Variants in HPN observed in about 807,000 individuals in gnomAD.
HPN encodes hepsin, also known as serine protease hepsin.
A neutral mutation model predicts 55.9 loss-of-function variants in HPN; 13 were observed. The ratio of observed to expected loss-of-function variants is 0.23; its 90% CI spans 0.15 to 0.37. HPN has a LOEUF of 0.37. Ranked by LOEUF, HPN falls within the 10% of genes least tolerant of loss-of-function variation. The pLI, the probability that HPN is intolerant of heterozygous loss-of-function variation, is 1.00. For missense variants in HPN, 451 were observed against 575.8 expected (o/e 0.78, Z 2.22); for synonymous variants, 225 against 240.3 (o/e 0.94, Z 0.59).
Position 35,065,241 on chromosome 19 carries a change from C to G in HPN, c.812-9C>G, listed in dbSNP as rs2064591336. The G allele has an allele frequency of 6.2e-7, 1 of 1,606,484 alleles. No homozygotes were observed. The highest frequency in any genetic ancestry group is 8.5e-7 in the Non-Finnish European group (1 of 1,174,676). On this transcript the variant is annotated splice_polypyrimidine_tract_variant and intron_variant, in intron 9 of 12. Coordinates refer to ENST00000672452, the MANE Select transcript of HPN (RefSeq NM_001384133.1). ...AGCGGGGGCTGGACCAGCATTGTCT[C>G]TCTCACAGAATACATCCAGCCTGTG...
At chr19:35,042,264 T>TC (rs528846123) in intron 1 of HPN, 189 bp from the exon 2 acceptor site, 146 of 1,344,200 alleles carry the variant, frequency 1.1e-4, no homozygotes, top group Non-Finnish European at 1.3e-4. Context: ...AATCCAGGCG[T>TC]CCCCCCGCTG....
At chr19:35,050,894 T>G (rs1041424378) in intron 4 of HPN, among the ~76,000 whole-genome samples, 2 of 147,804 alleles carry the variant, frequency 1.4e-5, no homozygotes, top group African/African-American at 5.0e-5. Flanking sequence ...TTTCTTTTTT[T>G]TTTCTTTCTT....
chr19:35,060,808 C>A lies in HPN; in HGVS notation c.802C>A (p.Pro268Thr), dbSNP rs773491716. 1 of 1,581,542 alleles carries A rather than the reference C, an allele frequency of 6.3e-7. No individual in the cohort carries two copies. The highest frequency in any genetic ancestry group is 8.6e-7 in the Non-Finnish European group (1 of 1,162,484). Reference sequence around the variant, plus strand: ...CCTGGTCCACCTCTCCAGTCCCCTGCCCCTCACAGGTAAGTCTAAGGGCTG... The same window carrying A: ...CCTGGTCCACCTCTCCAGTCCCCTGACCCTCACAGGTAAGTCTAAGGGCTG... ...IALVHLSSPL[P>T]LTEYIQPVCL... Residue 268 changes from proline (P) to threonine (T), a missense_variant, in exon 9 of 13, where the codon CCC (proline) becomes ACC (threonine). Pro to Thr is a conservative substitution (Grantham distance 38). Coordinates refer to ENST00000672452, the MANE Select transcript of HPN (RefSeq NM_001384133.1).
At chr19:35,046,061 C>T (rs905733734) in intron 2 of HPN, among the ~76,000 whole-genome samples, 7 of 152,136 alleles carry the variant, frequency 4.6e-5, no homozygotes, top group South Asian at 4.1e-4. Flanking sequence ...CAGTGGCTGT[C>T]GGGAGCCAAG....
At chr19:35,046,493 C>G (rs2064343781) in intron 2 of HPN, among the ~76,000 whole-genome samples, 1 of 152,180 alleles carries the variant, frequency 6.6e-6, no homozygotes, top group Admixed American at 6.5e-5. Flanking sequence ...GATCCACCTG[C>G]CTCAGCCTCC....
At chr19:35,052,462 G>A (rs1394509817) in intron 4 of HPN, among the ~76,000 whole-genome samples, 2 of 150,678 alleles carry the variant, frequency 1.3e-5, no homozygotes, top group Non-Finnish European at 3.0e-5. Flanking sequence ...TGGGAGGCGC[G>A]GGTTGCAGGT....
chr19:35,041,129 C>T (rs2064289212), upstream of HPN, among the ~76,000 whole-genome samples: 2 of 152,206 alleles, frequency 1.3e-5, no homozygotes, highest in Non-Finnish European at 2.9e-5. Flanking sequence ...TGTGTTTTCC[C>T]GGCCAAGCCC....
intron 4 of HPN, among the ~76,000 whole-genome samples, chr19:35,056,742 G>T (rs1490285816): frequency 6.6e-6 from 1 of 152,190 alleles, no homozygotes; most frequent in African/African-American, 2.4e-5. Flanking sequence ...GGCCATCTGT[G>T]TCTCCAGGAT....
chr19:35,047,662 A>C (rs1204994352), intron 2 of HPN, among the ~76,000 whole-genome samples: 1 of 152,040 alleles, frequency 6.6e-6, no homozygotes, highest in Admixed American at 6.6e-5. Flanking sequence ...GCGGATGTTC[A>C]GTAGGATGGT....
intron 9 of HPN, among the ~76,000 whole-genome samples, chr19:35,062,990 A>G (rs1397992407): frequency 6.6e-6 from 1 of 152,240 alleles, no homozygotes; most frequent in Admixed American, 6.5e-5. Context: ...ATGATCATGA[A>G]GTAGTAAAAG....
At position 35,042,510 on chromosome 19, in the gene HPN, G is replaced by A. The variant is rs2064304176; in HGVS notation, c.4G>A (p.Ala2Thr). The A allele has an allele frequency of 6.2e-7, 1 of 1,609,580 alleles. No homozygotes were observed. The highest frequency in any genetic ancestry group is 8.5e-7 in the Non-Finnish European group (1 of 1,178,236). The stretch of plus-strand genomic sequence containing the variant: ...ATCATTAACAAGAGGCAGTGACATG[G>A]CGCAGAAGGAGGGTGAGTCCCCTTC... Reference protein sequence around the residue: MAQKEGGRTVPC... With the variant: MTQKEGGRTVPC... The change falls in exon 2 of 13, where the codon GCG (alanine) becomes ACG (threonine). Residue 2 changes from alanine to threonine, a missense_variant. This residue lies in a region of HPN where 378 missense variants were observed against 445.5 expected (regional missense o/e 0.85). Transcript: ENST00000672452.
At position 35,060,609 on chromosome 19, in the gene HPN, C is replaced by T; in HGVS notation, c.621-18C>T. 1 of 1,613,260 alleles carries T rather than the reference C, an allele frequency of 6.2e-7. No individual in the cohort carries two copies. Among genetic ancestry groups the T allele is most frequent in the East Asian group, 2.2e-5 (1 of 44,890 alleles). On this transcript the variant is annotated intron_variant, in intron 8 of 12. Coordinates refer to ENST00000672452, the MANE Select transcript of HPN (RefSeq NM_001384133.1). ...TGTGCCCAGGCAGGTGGCCACCCTCCACCCCTTTCCCTGGTAGGCGGAACC... is the reference window on the plus strand; with the variant it reads ...TGTGCCCAGGCAGGTGGCCACCCTCTACCCCTTTCCCTGGTAGGCGGAACC...
chr19:35,061,372 C>T (rs938846330), intron 9 of HPN, among the ~76,000 whole-genome samples: 4 of 151,758 alleles, frequency 2.6e-5, no homozygotes, highest in Non-Finnish European at 4.4e-5. Flanking sequence ...TGGTGAAACT[C>T]CATCTCTACT....
intron 9 of HPN, 117 bp from the exon 10 acceptor site, chr19:35,065,133 T>C: frequency 3.0e-6 from 2 of 668,660 alleles, no homozygotes; most frequent in Non-Finnish European, 5.1e-6. Flanking sequence ...ATTGTGGTTT[T>C]TTTTTTAAAG....
intron 1 of HPN, 49 bp downstream of exon 1, chr19:35,041,921 G>A: frequency 7.8e-7 from 1 of 1,285,934 alleles, no homozygotes; most frequent in South Asian, 1.2e-5. Context: ...GAGGACAGGG[G>A]TTCCCTCATC....
In HPN at chr19:35,049,338, C is replaced by T. The variant is rs757072689; in HGVS notation, c.65C>T (p.Thr22Ile). Reference sequence around the variant, plus strand: ...TCCAGACCCAAGGTGGCAGCTCTCACTGCGGGGACCCTGCTACTTCTGACA... The same window carrying T: ...TCCAGACCCAAGGTGGCAGCTCTCATTGCGGGGACCCTGCTACTTCTGACA... ...CCSRPKVAAL[T>I]AGTLLLLTAI... Residue 22 changes from threonine to isoleucine, a missense_variant, in exon 3 of 13, where the codon ACT becomes ATT. Physicochemically the swap from Thr to Ile is moderately conservative, Grantham distance 89 (BLOSUM62 -1). This residue lies in a region of HPN where 378 missense variants were observed against 445.5 expected (regional missense o/e 0.85). Coordinates refer to ENST00000672452, the MANE Select transcript of HPN (RefSeq NM_001384133.1). 3.1e-6 allele frequency: 5 copies of T among 1,600,382 alleles called. No individual in the cohort carries two copies. The Admixed American group carries it at 6.8e-5, about 22-fold the overall frequency.
Position 35,059,914 on chromosome 19 carries a change from G to T in HPN, c.331G>T (p.Ala111Ser). 1 of 1,504,696 alleles carries T rather than the reference G, an allele frequency of 6.6e-7. No homozygotes were observed. The highest frequency in any genetic ancestry group is 8.9e-7 in the Non-Finnish European group (1 of 1,127,174). The allele number at this position is 1,504,696 out of a possible 1,614,324, so 93.2% of individuals were successfully genotyped here. Reference protein sequence around the residue: ...HSELDVRTAGANGTSGFFCVD... With the variant: ...HSELDVRTAGSNGTSGFFCVD... Reference sequence around the variant, plus strand: ...CGAGCTGGACGTGCGAACGGCGGGCGCCAATGGCACGTCGGGCTTCTTCTG... The same window carrying T: ...CGAGCTGGACGTGCGAACGGCGGGCTCCAATGGCACGTCGGGCTTCTTCTG... Residue 111 changes from alanine to serine, a missense_variant, in exon 6 of 13, where the codon GCC becomes TCC. Physicochemically the swap from Ala to Ser is moderately conservative, Grantham distance 99 (BLOSUM62 1). Transcript: ENST00000672452.
Position 35,042,499 on chromosome 19 carries a change from G to T in HPN, c.-8G>T. 1 of 1,609,216 alleles carries T rather than the reference G, an allele frequency of 6.2e-7. No individual in the cohort carries two copies. The highest frequency in any genetic ancestry group is 1.1e-5 in the South Asian group (1 of 89,798). ...TCAGCCAGGGAATCATTAACAAGAGGCAGTGACATGGCGCAGAAGGAGGGT... is the reference window on the plus strand; with the variant it reads ...TCAGCCAGGGAATCATTAACAAGAGTCAGTGACATGGCGCAGAAGGAGGGT... On this transcript the variant is annotated 5_prime_UTR_variant, in exon 2 of 13. Transcript: ENST00000672452.
chr19:35,057,275 A>T (rs1600389510), intron 4 of HPN, among the ~76,000 whole-genome samples: 2 of 151,968 alleles, frequency 1.3e-5, no homozygotes, highest in African/African-American at 4.8e-5. Context: ...AAATACAAAA[A>T]ATTAGCCAAG....
Sources: allele counts gnomAD v4.1 joint callset (sites outside exome capture counted in the v4.1 genomes callset), GRCh38; gene constraint gnomAD v4.1.1; regional missense constraint gnomAD v4.1.1; transcripts MANE v1.5; gene names NCBI Gene and HGNC (gene_info 2026-07-23, HGNC 2026-07-21).